The following ASH1L variants were observed in gnomAD, a reference collection of about 807,000 sequenced individuals.
ASH1L encodes histone-lysine N-methyltransferase ASH1L.
In ASH1L, 23 loss-of-function variants were observed where a neutral mutation model predicts 269.0. The ratio of observed to expected loss-of-function variants is 0.09; its 90% CI spans 0.06 to 0.12. ASH1L has a LOEUF of 0.12. Ranked by LOEUF, ASH1L falls within the 10% of genes least tolerant of loss-of-function variation. The pLI is 1.00. For synonymous variants in ASH1L, 1,187 were observed against 1,253.5 expected (o/e 0.95, Z 1.12); for missense variants, 2,912 against 3,567.8 (o/e 0.82, Z 4.68).
At chr1:155,522,556 T>C (rs368137878) in intron 1 of ASH1L, among the ~76,000 whole-genome samples, 2 of 152,206 alleles carry the variant, frequency 1.3e-5, no homozygotes, top group African/African-American at 4.8e-5. Context: ...GTTTTAAAAC[T>C]AGCGTGCTAA....
In ASH1L at chr1:155,517,591, C is replaced by T. The variant is rs115294581; in HGVS notation, c.420+3509G>A. On this transcript the variant is annotated intron_variant, in intron 2 of 27. Coordinates refer to ENST00000392403, the MANE Select transcript of ASH1L (RefSeq NM_018489.3). Reference sequence around the variant, plus strand: ...GGAGGCAGAGGCTGCGGTCTCAAGCCGAGATCATGCCACTGTACTCCAGCC... The same window carrying T: ...GGAGGCAGAGGCTGCGGTCTCAAGCTGAGATCATGCCACTGTACTCCAGCC... Among the ~76,000 whole-genome samples the T allele has an allele frequency of 6.2e-3, 936 of 151,610 alleles. 9 individuals are homozygous for T. The highest frequency in any genetic ancestry group is 0.022 in the African/African-American group (911 of 41,352).
At chr1:155,436,929 A>G (rs1662148030) in intron 5 of ASH1L, among the ~76,000 whole-genome samples, 1 of 152,194 alleles carries the variant, frequency 6.6e-6, no homozygotes, top group Non-Finnish European at 1.5e-5. Flanking sequence ...TGATTTGTCA[A>G]AAAGACTGTC....
intron 5 of ASH1L, chr1:155,434,196 T>G (rs1661883797): frequency 1.3e-6 from 2 of 1,595,246 alleles, no homozygotes; most frequent in Non-Finnish European, 1.7e-6. Context: ...TCGGTCCCTT[T>G]CCCTGAGGGG....
intron 10 of ASH1L, among the ~76,000 whole-genome samples, chr1:155,377,996 C>T (rs1035695305): frequency 2.0e-5 from 3 of 151,408 alleles, no homozygotes; most frequent in Non-Finnish European, 4.4e-5. Flanking sequence ...GCACTCCAGC[C>T]TGGGCGACAG....
intron 2 of ASH1L, among the ~76,000 whole-genome samples, chr1:155,506,435 G>T (rs986718726): frequency 6.6e-6 from 1 of 151,970 alleles, no homozygotes; most frequent in Non-Finnish European, 1.5e-5. Flanking sequence ...GGTGGCTCAC[G>T]CCTGTAATCC....
intron 2 of ASH1L, among the ~76,000 whole-genome samples, chr1:155,488,570 G>A (rs963178957): frequency 7.0e-6 from 1 of 142,780 alleles, no homozygotes; most frequent in Non-Finnish European, 1.5e-5. Context: ...TCAAGAGGCT[G>A]AGGCAGGAGA....
At chr1:155,356,642 C>CA (rs1277769920) in intron 15 of ASH1L, among the ~76,000 whole-genome samples, 5,511 of 67,120 alleles carry the variant, frequency 0.082, 330 homozygotes, top group African/African-American at 0.23. Context: ...GACTCCGTCT[C>CA]AAAAAAAAAA....
chr1:155,506,526 G>A (rs1012046692), intron 2 of ASH1L, among the ~76,000 whole-genome samples: 10 of 150,042 alleles, frequency 6.7e-5, no homozygotes, highest in Non-Finnish European at 8.9e-5. Flanking sequence ...GCAAAACCCC[G>A]TCTCTACTAA....
At position 155,559,307 on chromosome 1, in the gene ASH1L, G is replaced by A. The variant is rs113249744; in HGVS notation, c.-100+2846C>T. Among the ~76,000 whole-genome samples, 508 of 152,244 alleles carry A rather than the reference G, an allele frequency of 3.3e-3. 2 individuals carry two copies. Among genetic ancestry groups the A allele is most frequent in the African/African-American group, 0.012 (489 of 41,544 alleles). On this transcript the variant is annotated intron_variant, in intron 1 of 27. Coordinates refer to ENST00000392403, the MANE Select transcript of ASH1L (RefSeq NM_018489.3). ...TAATCTCAGCACTTTGGGAGGCCGA[G>A]GCGGGTGGATCATCTGTCAGGAGTT...
chr1:155,381,032 G>T (rs1025636258), intron 7 of ASH1L, among the ~76,000 whole-genome samples: 10 of 152,020 alleles, frequency 6.6e-5, no homozygotes, highest in African/African-American at 2.2e-4. Flanking sequence ...AGGTAATAAG[G>T]GAGCTGAAAA....
intron 2 of ASH1L, among the ~76,000 whole-genome samples, chr1:155,514,568 T>A (rs1020915664): frequency 6.6e-6 from 1 of 151,794 alleles, no homozygotes; most frequent in African/African-American, 2.4e-5. Flanking sequence ...TTTATATTTA[T>A]TTTAGACTAT....
At chr1:155,348,925 C>T (rs942853070) in intron 19 of ASH1L, among the ~76,000 whole-genome samples, 45 of 149,628 alleles carry the variant, frequency 3.0e-4, no homozygotes, top group Non-Finnish European at 5.9e-5. Context: ...CACACACACA[C>T]ACACACACAC....
chr1:155,446,849 C>G (rs1663078904), intron 4 of ASH1L, among the ~76,000 whole-genome samples: 1 of 150,566 alleles, frequency 6.6e-6, no homozygotes, highest in East Asian at 2.0e-4. Flanking sequence ...GTGATCCGCC[C>G]GCTTCGGCCT....
intron 5 of ASH1L, among the ~76,000 whole-genome samples, chr1:155,424,596 G>C (rs918635735): frequency 1.3e-5 from 2 of 151,778 alleles, no homozygotes; most frequent in African/African-American, 4.8e-5. Flanking sequence ...TAGTAGAGAC[G>C]GGGTTTCTCC....
At position 155,459,927 on chromosome 1, in the gene ASH1L, T is replaced by C. The variant is rs761816790; in HGVS notation, c.4985-29A>G. ...GAGAAAGAGAAAAAGATAGAAATCA[T>C]AGGAAAATTCAACTTTAAAAATAAT... On this transcript the variant is annotated intron_variant, in intron 3 of 27. Transcript: ENST00000392403. 17 of 1,521,978 alleles carry C rather than the reference T, an allele frequency of 1.1e-5. No individual in the cohort carries two copies. The East Asian group carries it at 2.5e-4, about 22-fold the overall frequency. 94.3% of individuals were successfully genotyped at this position (1,521,978 alleles called of 1,614,324 possible). A position where few individuals can be genotyped will look rare whatever the true frequency, so the allele number is the denominator to read the frequency against.
At chr1:155,465,337 T>C (rs1664607072) in intron 3 of ASH1L, among the ~76,000 whole-genome samples, 1 of 150,300 alleles carries the variant, frequency 6.7e-6, no homozygotes, top group Non-Finnish European at 1.5e-5. Context: ...AATAGTTGGT[T>C]GGACAAAACA....
intron 2 of ASH1L, among the ~76,000 whole-genome samples, chr1:155,499,426 T>C (rs187846656): frequency 1.4e-4 from 22 of 152,304 alleles, no homozygotes; most frequent in Admixed American, 1.0e-3. Flanking sequence ...ATCTAACTAG[T>C]TACGAAAGAG....
At chr1:155,338,712 C>T (rs1315966286) in intron 26 of ASH1L, among the ~76,000 whole-genome samples, 2 of 152,176 alleles carry the variant, frequency 1.3e-5, no homozygotes, top group Non-Finnish European at 2.9e-5. Context: ...AAGCACGGCA[C>T]AACCTTGTGA....
chr1:155,488,044 G>C (rs558320910), intron 2 of ASH1L, among the ~76,000 whole-genome samples: 2 of 152,036 alleles, frequency 1.3e-5, no homozygotes, highest in South Asian at 4.2e-4. Flanking sequence ...CCGCCAGCAG[G>C]CCCAGCTAAT....
Sources: gnomAD v4.1 joint callset for allele counts (sites outside exome capture counted in the v4.1 genomes callset) on GRCh38, gnomAD v4.1.1 for gene constraint, MANE v1.5 for transcripts, NCBI Gene and HGNC (gene_info 2026-07-23, HGNC 2026-07-21) for gene names.